The following CNBD1 variants were observed in gnomAD, a reference collection of about 807,000 sequenced individuals.
The protein encoded by CNBD1 is cyclic nucleotide-binding domain-containing protein 1.
Under a neutral mutation model 54.4 loss-of-function variants are expected in CNBD1, and 71 were observed. The ratio of observed to expected loss-of-function variants is 1.30; its 90% CI spans 1.08 to 1.59. The LOEUF (loss-of-function observed/expected upper bound fraction) is 1.59. Ranked by LOEUF, CNBD1 falls within the 40% of genes most tolerant of loss-of-function variation. The probability of loss-of-function intolerance (pLI) is 0.00; values close to 1 mark genes in which losing one functional copy is unlikely to be tolerated. For missense variants in CNBD1, 659 were observed against 518.0 expected, an observed-to-expected ratio of 1.27 and a Z score of -2.64; for synonymous variants, 182 against 170.7, an observed-to-expected ratio of 1.07 and a Z score of -0.51.
At chr8:87,310,957 G>C (rs72666855) in intron 8 of CNBD1, among the ~76,000 whole-genome samples, 11,105 of 152,172 alleles carry the variant, frequency 0.073, 511 homozygotes, top group South Asian at 0.097. Context: ...AGTCGAGATG[G>C]AGAGAAGACT....
chr8:87,355,496 A>G (rs993825151), intron 10 of CNBD1, among the ~76,000 whole-genome samples: 4 of 152,300 alleles, frequency 2.6e-5, no homozygotes, highest in African/African-American at 9.6e-5. Flanking sequence ...ATAATAATGC[A>G]GCCACCTGTA....
chr8:87,131,585 ATC>A (rs1283979699), intron 4 of CNBD1, among the ~76,000 whole-genome samples: 1 of 152,034 alleles, frequency 6.6e-6, no homozygotes, highest in African/African-American at 2.4e-5. Flanking sequence ...CTGTAGTTGT[ATC>A]TCATTATTTA....
intron 6 of CNBD1, 127 bp from the exon 7 acceptor site, chr8:87,284,551 C>T (rs1741283408): frequency 4.5e-6 from 3 of 671,926 alleles, no homozygotes; most frequent in Non-Finnish European, 7.0e-6. Context: ...AGGAGCCATC[C>T]ATGCAGAGAC....
chr8:87,344,753 C>A (rs1025523383), intron 8 of CNBD1, among the ~76,000 whole-genome samples: 1 of 152,028 alleles, frequency 6.6e-6, no homozygotes, highest in Admixed American at 6.6e-5. Flanking sequence ...TGAGTGAATG[C>A]GTTGCATGGT....
intron 4 of CNBD1, among the ~76,000 whole-genome samples, chr8:87,080,782 C>G (rs1321245015): frequency 1.3e-5 from 2 of 151,982 alleles, no homozygotes; most frequent in Non-Finnish European, 2.9e-5. Flanking sequence ...TAGTTTGAGT[C>G]TTTCATTAAG....
intron 2 of CNBD1, among the ~76,000 whole-genome samples, chr8:87,397,916 C>A (rs769079521): frequency 5.3e-5 from 8 of 151,974 alleles, no homozygotes; most frequent in Admixed American, 5.3e-4. Context: ...CAAGCTCTCT[C>A]TTTGCCTGCT....
At chr8:87,158,362 TAATA>T (rs1812788199) in intron 4 of CNBD1, among the ~76,000 whole-genome samples, 3 of 152,152 alleles carry the variant, frequency 2.0e-5, no homozygotes, top group Admixed American at 6.6e-5. Flanking sequence ...AGTAAAATCT[TAATA>T]AATGTTTTTG....
chr8:87,352,134 A>G (rs1456007811), intron 9 of CNBD1, among the ~76,000 whole-genome samples: 1 of 152,038 alleles, frequency 6.6e-6, no homozygotes, highest in Non-Finnish European at 1.5e-5. Flanking sequence ...ACCTAATTCC[A>G]CTCCAGATAG....
chr8:87,397,145 AT>A (rs1260495603), intron 2 of CNBD1, among the ~76,000 whole-genome samples: 1 of 151,380 alleles, frequency 6.6e-6, no homozygotes, highest in East Asian at 2.0e-4. Flanking sequence ...CTCTTGCCTT[AT>A]TTTTTTATTT....
At position 87,393,862 on chromosome 8, in the gene CNBD1, C is replaced by G. The variant is rs1375794681; in HGVS notation, c.214-34684C>G. Among the ~76,000 whole-genome samples the G allele has an allele frequency of 2.6e-5, 4 of 151,722 alleles. No individual in the cohort carries two copies. In the South Asian group the frequency reaches 6.2e-4, roughly 24 times the overall value. On this transcript the variant is annotated intron_variant, in intron 2 of 7. Transcript: ENST00000521593. ...GACAGGTAATCAAAACTGGAGAGAA[C>G]AAATGTGAGTGTTAGTGAAAAGATC...
chr8:87,412,925 G>A (rs1004310606), intron 2 of CNBD1, among the ~76,000 whole-genome samples: 7 of 152,032 alleles, frequency 4.6e-5, no homozygotes, highest in Non-Finnish European at 1.0e-4. Context: ...TTTGTCTCAG[G>A]GTAGGTGGAG....
chr8:86,958,609 T>C (rs1249372703), intron 4 of CNBD1, among the ~76,000 whole-genome samples: 4 of 152,222 alleles, frequency 2.6e-5, no homozygotes, highest in Non-Finnish European at 5.9e-5. Context: ...TTTTGGTCTT[T>C]ATTGGTTTAA....
intron 2 of CNBD1, among the ~76,000 whole-genome samples, chr8:86,899,242 A>G (rs1808895818): frequency 6.6e-6 from 1 of 152,162 alleles, no homozygotes; most frequent in Non-Finnish European, 1.5e-5. Flanking sequence ...AAGTGAAGAG[A>G]TCTAATATAC....
At chr8:86,874,939 A>G (rs1808492086) in intron 1 of CNBD1, among the ~76,000 whole-genome samples, 1 of 148,962 alleles carries the variant, frequency 6.7e-6, no homozygotes, top group Non-Finnish European at 1.5e-5. Context: ...CTCAGTGGAC[A>G]GATCTAGGGA....
chr8:87,291,832 T>C (rs1808792100), intron 8 of CNBD1, among the ~76,000 whole-genome samples: 1 of 152,164 alleles, frequency 6.6e-6, no homozygotes, highest in South Asian at 2.1e-4. Flanking sequence ...AATTAATAGC[T>C]TAAGGGTCAA....
intron 8 of CNBD1, among the ~76,000 whole-genome samples, chr8:87,290,186 CAT>C (rs1245672389): frequency 6.6e-6 from 1 of 151,780 alleles, no homozygotes; most frequent in Non-Finnish European, 1.5e-5. Flanking sequence ...ATTGCATCTA[CAT>C]ATGTTACAAA....
intron 4 of CNBD1, among the ~76,000 whole-genome samples, chr8:86,990,221 A>G (rs1451687851): frequency 6.6e-6 from 1 of 151,922 alleles, no homozygotes; most frequent in Non-Finnish European, 1.5e-5. Flanking sequence ...TCATTTGTCC[A>G]TTTTGCTTCG....
At chr8:86,971,387 T>C (rs1184757616) in intron 4 of CNBD1, among the ~76,000 whole-genome samples, 2 of 152,046 alleles carry the variant, frequency 1.3e-5, no homozygotes, top group African/African-American at 4.8e-5. Context: ...CCTCAACAAA[T>C]GGGGATTGCA....
At chr8:86,919,836 C>G (rs1199807274) in intron 3 of CNBD1, among the ~76,000 whole-genome samples, 2 of 152,092 alleles carry the variant, frequency 1.3e-5, no homozygotes, top group Non-Finnish European at 2.9e-5. Context: ...AATATGTGCA[C>G]AGATCTCCTG....
Sources: gnomAD v4.1 joint callset for allele counts (sites outside exome capture counted in the v4.1 genomes callset) on GRCh38, gnomAD v4.1.1 for gene constraint, MANE v1.5 for transcripts, NCBI Gene and HGNC (gene_info 2026-07-23, HGNC 2026-07-21) for gene names.